The following PTPRD variants were observed in gnomAD, a reference collection of about 807,000 sequenced individuals.
PTPRD encodes the protein receptor-type tyrosine-protein phosphatase delta.
PTPRD carries 34 observed loss-of-function variants against 214.5 expected under a neutral mutation model. That is an observed-to-expected ratio of 0.16 (90% CI 0.12 to 0.21). The LOEUF (loss-of-function observed/expected upper bound fraction) is 0.21. Among genes scored for constraint, PTPRD ranks in the 10% least tolerant of loss-of-function variants. The probability of loss-of-function intolerance (pLI) is 1.00; values close to 1 mark genes in which losing one functional copy is unlikely to be tolerated. For missense variants in PTPRD, 2,545 were observed against 2,398.7 expected, an observed-to-expected ratio of 1.06 and a Z score of -1.27; for synonymous variants, 1,128 against 845.7, an observed-to-expected ratio of 1.33 and a Z score of -5.79.
At chr9:8,626,430 G>C (rs1432224282) in intron 14 of PTPRD, among the ~76,000 whole-genome samples, 2 of 151,692 alleles carry the variant, frequency 1.3e-5, no homozygotes, top group Admixed American at 6.6e-5. Context: ...TTTTACTTCT[G>C]CTCAATTCTG....
chr9:10,157,596 C>G (rs78035355), intron 3 of PTPRD, among the ~76,000 whole-genome samples: 1,981 of 152,158 alleles, frequency 0.013, 43 homozygotes, highest in African/African-American at 0.04. Context: ...CTTGGGGAAT[C>G]TGATAATTAT....
chr9:9,152,259 C>A (rs554816727), intron 10 of PTPRD, among the ~76,000 whole-genome samples: 2 of 152,322 alleles, frequency 1.3e-5, no homozygotes, highest in South Asian at 4.1e-4. Context: ...TTTGAATGCA[C>A]ATGTAGAGAC....
At chr9:8,395,454 G>C (rs557912333) in intron 36 of PTPRD, among the ~76,000 whole-genome samples, 1 of 151,400 alleles carries the variant, frequency 6.6e-6, no homozygotes, top group Non-Finnish European at 1.5e-5. Flanking sequence ...CCTTTCCCCC[G>C]ACCCTTCACC....
intron 3 of PTPRD, among the ~76,000 whole-genome samples, chr9:10,088,529 G>C (rs1428609981): frequency 6.6e-6 from 1 of 151,676 alleles, no homozygotes; most frequent in Non-Finnish European, 1.5e-5. Context: ...TAGTTTATTA[G>C]TCTCTTTTCT....
chr9:8,647,606 T>C (rs2096722738), intron 12 of PTPRD, among the ~76,000 whole-genome samples: 1 of 152,196 alleles, frequency 6.6e-6, no homozygotes, highest in Non-Finnish European at 1.5e-5. Flanking sequence ...AATCATATCT[T>C]TGCACATATA....
intron 3 of PTPRD, among the ~76,000 whole-genome samples, chr9:10,113,985 T>C (rs534554807): frequency 2.6e-5 from 4 of 152,338 alleles, no homozygotes; most frequent in East Asian, 3.9e-4. Flanking sequence ...TCTACTCTTA[T>C]AGATTCTGAT....
chr9:9,974,431 G>A (rs1417277065), intron 4 of PTPRD, among the ~76,000 whole-genome samples: 1 of 152,070 alleles, frequency 6.6e-6, no homozygotes, highest in African/African-American at 2.4e-5. Flanking sequence ...GTAAAATATC[G>A]TATTTTGTCC....
intron 14 of PTPRD, among the ~76,000 whole-genome samples, chr9:8,571,216 T>C (rs771735514): frequency 2.0e-5 from 3 of 152,110 alleles, no homozygotes; most frequent in Non-Finnish European, 4.4e-5. Context: ...TCCTACTAAT[T>C]CTATTTCTAT....
chr9:9,195,107 T>TATATATATATATATATAC lies in PTPRD; in HGVS notation c.-202-11745_-202-11744insGTATATATATATATATAT, dbSNP rs58832794. On this transcript the variant is annotated intron_variant, in intron 9 of 45. Transcript: ENST00000381196. Reference sequence around the variant, plus strand: ...TTGTGTATATATATATATATATATATACACACACACACATATACATACATA... The same window carrying TATATATATATATATATAC: ...TTGTGTATATATATATATATATATATATATATATATATATATACACACACACACACATATACATACATA... Among the ~76,000 whole-genome samples, 416 of 141,076 alleles carry TATATATATATATATATAC rather than the reference T, an allele frequency of 2.9e-3. 1 individual carries two copies. Among genetic ancestry groups the TATATATATATATATATAC allele is most frequent in the African/African-American group, 6.4e-3 (246 of 38,468 alleles). The allele number at this position is 141,076 out of a possible 152,430, so 92.6% of individuals were successfully genotyped here.
chr9:10,001,106 C>T (rs535810610), intron 4 of PTPRD, among the ~76,000 whole-genome samples: 3 of 152,118 alleles, frequency 2.0e-5, no homozygotes, highest in African/African-American at 7.2e-5. Flanking sequence ...ATTAAATTCT[C>T]CACTCCTTAA....
chr9:8,541,707 T>C (rs568338616), intron 14 of PTPRD, among the ~76,000 whole-genome samples: 3 of 152,288 alleles, frequency 2.0e-5, no homozygotes, highest in South Asian at 4.1e-4. Context: ...TGTCAATGTA[T>C]GTTTTTCTTC....
chr9:8,500,558 G>GGAAAAAAAAAAAAAAAAAAAAAA lies in PTPRD; in HGVS notation c.2128+195_2128+196insTTTTTTTTTTTTTTTTTTTTTTC, dbSNP rs2097373754. On this transcript the variant is annotated intron_variant, in intron 24 of 45. Transcript: ENST00000381196. ...TTACTGCATTGAGATTGAAAAAAAT[G>GGAAAAAAAAAAAAAAAAAAAAAA]AAAAAAAAAAAAAAAAAAAAAAAAA... is the stretch of plus-strand genomic sequence containing the variant. Among the ~76,000 whole-genome samples the GGAAAAAAAAAAAAAAAAAAAAAA allele has an allele frequency of 1.5e-3, 21 of 14,320 alleles. 2 individuals are homozygous for GGAAAAAAAAAAAAAAAAAAAAAA. The highest frequency in any genetic ancestry group is 2.1e-3 in the Non-Finnish European group (18 of 8,722). The allele number at this position is 14,320 out of a possible 152,430, so 9.4% of individuals were successfully genotyped here. A position where few individuals can be genotyped will look rare whatever the true frequency, so the allele number is the denominator to read the frequency against.
At chr9:8,661,788 T>C (rs887669064) in intron 12 of PTPRD, among the ~76,000 whole-genome samples, 1 of 152,236 alleles carries the variant, frequency 6.6e-6, no homozygotes, top group African/African-American at 2.4e-5. Flanking sequence ...TTGTGACCTA[T>C]GCAGTTATAG....
rs73430447 is a variant in PTPRD at position 8,550,474 on chromosome 9, C to A, written c.353-21695G>T. Among the ~76,000 whole-genome samples the A allele has an allele frequency of 2.0e-5, 3 of 152,014 alleles. No homozygotes were observed. The South Asian group carries it at 6.2e-4, about 32-fold the overall frequency. ...CTGCATTATTTATTATAATTAGTTGCCCTGAAATATTTTAAGGCCATCAAA... is the reference window on the plus strand; with the variant it reads ...CTGCATTATTTATTATAATTAGTTGACCTGAAATATTTTAAGGCCATCAAA... On this transcript the variant is annotated intron_variant, in intron 14 of 45. Coordinates refer to ENST00000381196, the MANE Select transcript of PTPRD (RefSeq NM_002839.4).
intron 37 of PTPRD, among the ~76,000 whole-genome samples, chr9:8,380,477 G>T (rs549479352): frequency 6.6e-6 from 1 of 152,148 alleles, no homozygotes; most frequent in Non-Finnish European, 1.5e-5. Flanking sequence ...AACTGAGACA[G>T]TTCAGATTTT....
At chr9:9,941,523 G>C (rs765585960) in intron 4 of PTPRD, among the ~76,000 whole-genome samples, 3 of 152,062 alleles carry the variant, frequency 2.0e-5, no homozygotes, top group African/African-American at 4.8e-5. Context: ...GAGTTTCGCC[G>C]TATTGGCCAG....
chr9:9,688,780 C>G (rs2097210440), intron 7 of PTPRD, among the ~76,000 whole-genome samples: 1 of 151,742 alleles, frequency 6.6e-6, no homozygotes, highest in Non-Finnish European at 1.5e-5. Flanking sequence ...CCTTCTTCTG[C>G]AGGTTTTTCA....
At chr9:8,950,040 C>G (rs117427201) in intron 11 of PTPRD, among the ~76,000 whole-genome samples, 1 of 152,044 alleles carries the variant, frequency 6.6e-6, no homozygotes, top group Non-Finnish European at 1.5e-5. Flanking sequence ...ATTCATCAAT[C>G]GTGTTGCAAT....
intron 2 of PTPRD, among the ~76,000 whole-genome samples, chr9:10,371,939 T>C (rs1459575877): frequency 6.6e-6 from 1 of 152,036 alleles, no homozygotes; most frequent in Non-Finnish European, 1.5e-5. Flanking sequence ...TCTTGGGTCA[T>C]GGAAATGACC....
Sources: gnomAD v4.1 joint callset for allele counts (sites outside exome capture counted in the v4.1 genomes callset) on GRCh38, gnomAD v4.1.1 for gene constraint, MANE v1.5 for transcripts, NCBI Gene and HGNC (gene_info 2026-07-23, HGNC 2026-07-21) for gene names.